Variants in CERS3 observed in about 807,000 individuals in gnomAD.
The protein encoded by CERS3 is ceramide synthase 3.
Under a neutral mutation model 50.3 loss-of-function variants are expected in CERS3, and 33 were observed. That is an observed-to-expected ratio of 0.66 (90% CI 0.50 to 0.88). The LOEUF is 0.88. CERS3 is among the 40% of genes least tolerant of loss of function. The pLI, the probability that CERS3 is intolerant of heterozygous loss-of-function variation, is 0.00. For missense variants in CERS3, 470 were observed against 460.3 expected (o/e 1.02, Z -0.19); for synonymous variants, 176 against 155.2 (o/e 1.13, Z -0.99).
chr15:100,442,287 A>ATCAATATAC (rs1567618155), intron 11 of CERS3, among the ~76,000 whole-genome samples: 1 of 152,266 alleles, frequency 6.6e-6, no homozygotes, highest in East Asian at 1.9e-4. Context: ...TCTCAATATA[A>ATCAATATAC]ATTTTATTAC....
intron 4 of CERS3, among the ~76,000 whole-genome samples, chr15:100,487,666 G>A (rs1427888768): frequency 6.6e-6 from 1 of 152,214 alleles, no homozygotes; most frequent in Non-Finnish European, 1.5e-5. Flanking sequence ...GGGGCCAAGA[G>A]ACCTGGCCTC....
At chr15:100,410,685 C>T (rs73470760) in intron 11 of CERS3, among the ~76,000 whole-genome samples, 15,659 of 152,124 alleles carry the variant, frequency 0.1, 1,259 homozygotes, top group African/African-American at 0.22. Flanking sequence ...TGTCATATCA[C>T]ATGGTAATTA....
At chr15:100,450,765 T>C (rs929645317) in intron 11 of CERS3, among the ~76,000 whole-genome samples, 4 of 152,084 alleles carry the variant, frequency 2.6e-5, no homozygotes, top group African/African-American at 9.7e-5. Flanking sequence ...AGTCAAACTG[T>C]TGGAAGTCAA....
At chr15:100,538,912 A>C (rs1250420885) in intron 1 of CERS3, among the ~76,000 whole-genome samples, 2 of 152,032 alleles carry the variant, frequency 1.3e-5, no homozygotes, top group Non-Finnish European at 2.9e-5. Context: ...TCCAATTCCA[A>C]ACCATCTCTT....
In CERS3 at chr15:100,501,910, T is replaced by C. The variant is rs139610893; in HGVS notation, c.-1-60A>G. On this transcript the variant is annotated intron_variant, in intron 2 of 11. Coordinates refer to ENST00000679737, the MANE Select transcript of CERS3 (RefSeq NM_001378789.1). Reference sequence around the variant, plus strand: ...ACAAACACGTAACTTTAGGATAACATTGATCACCTTGGCTCAAAATGCCAG... The same window carrying C: ...ACAAACACGTAACTTTAGGATAACACTGATCACCTTGGCTCAAAATGCCAG... 3.6e-5 allele frequency: 56 copies of C among 1,551,646 alleles called. No individual in the cohort carries two copies. The African/African-American group carries it at 5.9e-4, about 16-fold the overall frequency.
chr15:100,515,876 A>G (rs931776), intron 2 of CERS3, among the ~76,000 whole-genome samples: 144,131 of 152,242 alleles, frequency 0.95, 68,276 homozygotes, highest in East Asian at 0.98. Flanking sequence ...CCAATTGCTG[A>G]TAAACATCTT....
intron 2 of CERS3, among the ~76,000 whole-genome samples, chr15:100,507,655 C>T (rs1168338758): frequency 6.6e-6 from 1 of 152,224 alleles, no homozygotes. Context: ...GTGAAAATTG[C>T]CACCAGGTGT....
chr15:100,530,243 T>C (rs2036905053), upstream of CERS3, among the ~76,000 whole-genome samples: 2 of 152,288 alleles, frequency 1.3e-5, no homozygotes, highest in South Asian at 4.1e-4. Flanking sequence ...CTTCATCCAA[T>C]TGTCACCTAA....
At chr15:100,424,711 C>T (rs541551227) in intron 11 of CERS3, among the ~76,000 whole-genome samples, 1 of 152,312 alleles carries the variant, frequency 6.6e-6, no homozygotes, top group East Asian at 1.9e-4. Context: ...TGCTCATCTG[C>T]ATGAACCAAG....
intron 2 of CERS3, chr15:100,503,634 C>T (rs1596776115): frequency 4.3e-6 from 2 of 466,656 alleles, no homozygotes; most frequent in East Asian, 1.4e-4. Flanking sequence ...CACAGCTCTA[C>T]CAAGCCCAAA....
At chr15:100,534,929 A>G (rs1396724962) in intron 1 of CERS3, among the ~76,000 whole-genome samples, 1 of 152,042 alleles carries the variant, frequency 6.6e-6, no homozygotes, top group Non-Finnish European at 1.5e-5. Flanking sequence ...TATGACTTGG[A>G]AGTCCCCTCC....
intron 11 of CERS3, among the ~76,000 whole-genome samples, chr15:100,425,479 A>AT (rs1555521443): frequency 6.6e-6 from 1 of 151,370 alleles, no homozygotes; most frequent in Non-Finnish European, 1.5e-5. Context: ...AGATTTAATG[A>AT]CCCCCTGCTG....
At chr15:100,515,215 C>T (rs2036457379) in intron 2 of CERS3, among the ~76,000 whole-genome samples, 1 of 152,156 alleles carries the variant, frequency 6.6e-6, no homozygotes, top group Non-Finnish European at 1.5e-5. Flanking sequence ...AAGTTTGTTA[C>T]CTACATAAAA....
chr15:100,497,738 G>A (rs2035863913), intron 3 of CERS3, among the ~76,000 whole-genome samples: 1 of 152,034 alleles, frequency 6.6e-6, no homozygotes, highest in Non-Finnish European at 1.5e-5. Flanking sequence ...TTGCTGATAT[G>A]AGGAATAAAT....
intron 2 of CERS3, among the ~76,000 whole-genome samples, chr15:100,513,900 T>G (rs2036423031): frequency 1.3e-5 from 2 of 152,154 alleles, no homozygotes; most frequent in Non-Finnish European, 2.9e-5. Context: ...ACCTCAAGTC[T>G]CCATTTAAGC....
At chr15:100,455,567 C>G (rs574624876) in intron 11 of CERS3, among the ~76,000 whole-genome samples, 1 of 152,034 alleles carries the variant, frequency 6.6e-6, no homozygotes, top group African/African-American at 2.4e-5. Context: ...TAAATATGCA[C>G]AAATATTACA....
chr15:100,450,558 T>C (rs1371369298), intron 11 of CERS3, among the ~76,000 whole-genome samples: 2 of 151,730 alleles, frequency 1.3e-5, no homozygotes, highest in Non-Finnish European at 2.9e-5. Context: ...ACAGGACATA[T>C]GGGACACTGT....
intron 1 of CERS3, 30 bp downstream of exon 1, chr15:100,528,783 T>C (rs1400778112): frequency 6.6e-6 from 1 of 152,298 alleles, no homozygotes; most frequent in Non-Finnish European, 1.5e-5. Context: ...AGTCCTCAAA[T>C]ACTAACCACA....
At chr15:100,408,130 C>A (rs1228915626) in intron 11 of CERS3, among the ~76,000 whole-genome samples, 1 of 152,184 alleles carries the variant, frequency 6.6e-6, no homozygotes, top group Non-Finnish European at 1.5e-5. Flanking sequence ...CCCTGGCCTC[C>A]CAAAGTGCTG....
Sources: allele counts gnomAD v4.1 joint callset (sites outside exome capture counted in the v4.1 genomes callset), GRCh38; gene constraint gnomAD v4.1.1; transcripts MANE v1.5; gene names NCBI Gene and HGNC (gene_info 2026-07-23, HGNC 2026-07-21).